The following GGA2 variants were observed in gnomAD, a reference collection of about 807,000 sequenced individuals.
GGA2 encodes the protein ADP-ribosylation factor-binding protein GGA2.
A neutral mutation model predicts 79.5 loss-of-function variants in GGA2; 48 were observed. The ratio of observed to expected loss-of-function variants is 0.60; its 90% CI spans 0.48 to 0.77. The LOEUF (loss-of-function observed/expected upper bound fraction) is 0.77. GGA2 is among the 30% of genes least tolerant of loss of function. GGA2 has a pLI of 0.00. For synonymous variants in GGA2, 317 were observed against 302.0 expected, an observed-to-expected ratio of 1.05 and a Z score of -0.51; for missense variants, 770 against 774.0, an observed-to-expected ratio of 0.99 and a Z score of 0.06.
chr16:23,508,691 C>T (rs1416092773), intron 1 of GGA2, among the ~76,000 whole-genome samples: 2 of 152,114 alleles, frequency 1.3e-5, no homozygotes, highest in Non-Finnish European at 2.9e-5. Flanking sequence ...TTAATATACG[C>T]AAGCTTCTCC....
chr16:23,499,145 C>CTTT (rs34195789), intron 1 of GGA2, among the ~76,000 whole-genome samples: 5 of 134,638 alleles, frequency 3.7e-5, no homozygotes, highest in African/African-American at 8.3e-5. Context: ...CGGGCACCAC[C>CTTT]TTTTTTTTTT....
At chr16:23,497,205 G>C (rs569195966) in intron 1 of GGA2, among the ~76,000 whole-genome samples, 1 of 152,164 alleles carries the variant, frequency 6.6e-6, no homozygotes, top group South Asian at 2.1e-4. Flanking sequence ...GGTTCTGACA[G>C]AGCAGCTCTT....
At chr16:23,511,051 T>TGTGTGTGTGTGTGTGTG (rs1965051492), upstream of GGA2, among the ~76,000 whole-genome samples, 1 of 76,170 alleles carries the variant, frequency 1.3e-5, no homozygotes. Context: ...GTGTGTGTGT[T>TGTGTGTGTGTGTGTGTG]AGAGACTGGG....
intron 6 of GGA2, among the ~76,000 whole-genome samples, chr16:23,487,124 G>A (rs1964725286): frequency 6.6e-6 from 1 of 151,910 alleles, no homozygotes; most frequent in East Asian, 1.9e-4. Context: ...TGGGACTATA[G>A]GCGCGTGCCA....
intron 2 of GGA2, among the ~76,000 whole-genome samples, chr16:23,516,546 T>A (rs186636325): frequency 6.6e-6 from 1 of 152,190 alleles, no homozygotes; most frequent in Non-Finnish European, 1.5e-5. Context: ...CTTGGCATAG[T>A]TGCCAGAGTG....
At position 23,475,153 on chromosome 16, in the gene GGA2, A is replaced by AAC. The variant is rs370349546; in HGVS notation, c.1293-94_1293-93dup. 6,450 of 665,686 alleles carry AAC rather than the reference A, an allele frequency of 9.7e-3. 42 individuals carry two copies. The highest frequency in any genetic ancestry group is 0.025 in the Middle Eastern group (63 of 2,536). The allele number at this position is 665,686 out of a possible 1,614,324, so 41.2% of individuals were successfully genotyped here. A position where few individuals can be genotyped will look rare whatever the true frequency, so the allele number is the denominator to read the frequency against. ...GCTTATTAAAGAACAAGGAAAAAATAACACACACACACACACAGAGTTAGA... is the reference window on the plus strand; with the variant it reads ...GCTTATTAAAGAACAAGGAAAAAATAACACACACACACACACACAGAGTTAGA... On this transcript the variant is annotated intron_variant, in intron 13 of 16. Transcript: ENST00000309859.
In GGA2 at chr16:23,465,900, C is replaced by G. The variant is rs1031273571; in HGVS notation, c.*1690G>C. The G allele has an allele frequency of 6.4e-6, 1 of 155,106 alleles. No individual in the cohort carries two copies. The highest frequency in any genetic ancestry group is 2.4e-5 in the African/African-American group (1 of 41,470). The allele number at this position is 155,106 out of a possible 1,614,324, so 9.6% of individuals were successfully genotyped here. On this transcript the variant is annotated 3_prime_UTR_variant, in exon 17 of 17. Coordinates refer to ENST00000309859, the MANE Select transcript of GGA2 (RefSeq NM_015044.4). ...AGATTGCAGTGAGCTGAGATTATAC[C>G]ACCGCACTCCAGCCTGAGTGACAGA...
Position 23,474,923 on chromosome 16 carries a change from A to C in GGA2, c.1431T>G (p.Pro477=), listed in dbSNP as rs11861512. The C allele has an allele frequency of 2.0e-3, 3,158 of 1,613,032 alleles. 57 individuals are homozygous for C. In the African/African-American group the frequency reaches 0.037, roughly 19 times the overall value. Residue 477 remains proline, a synonymous_variant, in exon 14 of 17, where the codon CCT becomes CCG. Transcript: ENST00000309859. The part of the protein sequence containing the change: ...QNTPLAQVFV[P]LESVKPSSLP... ...ACTTACTGGGCTTAACAGACTCCAA[A>C]GGGACAAACACTTGAGCCAGAGGTG...
At position 23,467,147 on chromosome 16, in the gene GGA2, A is replaced by G. The variant is rs919396108; in HGVS notation, c.*443T>C. 1 of 163,028 alleles carries G rather than the reference A, an allele frequency of 6.1e-6. No individual in the cohort carries two copies. Among genetic ancestry groups the G allele is most frequent in the African/African-American group, 2.4e-5 (1 of 41,708 alleles). 10.1% of individuals were successfully genotyped at this position (163,028 alleles called of 1,614,324 possible). A position where few individuals can be genotyped will look rare whatever the true frequency, so the allele number is the denominator to read the frequency against. ...AACCAGGTCCCTTTTAAGGTCCCTGAGAACAGCAGCCTGGGAGCAACCAAG... is the reference window on the plus strand; with the variant it reads ...AACCAGGTCCCTTTTAAGGTCCCTGGGAACAGCAGCCTGGGAGCAACCAAG... On this transcript the variant is annotated 3_prime_UTR_variant, in exon 17 of 17. Coordinates refer to ENST00000309859, the MANE Select transcript of GGA2 (RefSeq NM_015044.4).
chr16:23,514,097 A>G (rs1025509291), upstream of GGA2, among the ~76,000 whole-genome samples: 2 of 151,992 alleles, frequency 1.3e-5, no homozygotes, highest in Non-Finnish European at 2.9e-5. Context: ...CCATGTCAAC[A>G]TAAAACTTTT....
intron 1 of GGA2, among the ~76,000 whole-genome samples, chr16:23,499,940 T>C (rs1196023404): frequency 3.9e-5 from 6 of 152,100 alleles, no homozygotes; most frequent in Admixed American, 3.9e-4. Context: ...GAACAGGGCA[T>C]GTGGAGGGGA....
chr16:23,499,497 CA>C (rs1383603394), intron 1 of GGA2, among the ~76,000 whole-genome samples: 1 of 152,096 alleles, frequency 6.6e-6, no homozygotes, highest in Non-Finnish European at 1.5e-5. Context: ...AATTACGTTC[CA>C]AACCCTTAAC....
intron 2 of GGA2, among the ~76,000 whole-genome samples, chr16:23,516,187 T>C (rs541525629): frequency 2.0e-5 from 3 of 152,090 alleles, no homozygotes; most frequent in Non-Finnish European, 4.4e-5. Context: ...TTTTTTTCTA[T>C]TTTTTGTAAA....
intron 4 of GGA2, among the ~76,000 whole-genome samples, chr16:23,493,140 G>C (rs904148966): frequency 6.6e-5 from 10 of 152,220 alleles, no homozygotes; most frequent in African/African-American, 2.4e-4. Context: ...CGTTCCCCAG[G>C]CCTTCTTAAA....
In GGA2 at chr16:23,494,291, A is replaced by G. The variant is rs1327964720; in HGVS notation, c.252+12T>C. 4 of 1,573,772 alleles carry G rather than the reference A, an allele frequency of 2.5e-6. No individual in the cohort carries two copies. In the Admixed American group the frequency reaches 6.7e-5, roughly 26 times the overall value. ...ACAGGAAAGGTTAGGCTACAAGGCA[A>G]GCCAAACTCACCGTTAAGGCATAAA... is the stretch of plus-strand genomic sequence containing the variant. On this transcript the variant is annotated intron_variant, in intron 3 of 16. Coordinates refer to ENST00000309859, the MANE Select transcript of GGA2 (RefSeq NM_015044.4).
chr16:23,510,553 G>GCCCC (rs36021060), upstream of GGA2: 386 of 381,914 alleles, frequency 1.0e-3, no homozygotes, highest in Middle Eastern at 4.1e-3. Context: ...CCCACCCCAG[G>GCCCC]CCCCCCCTCC....
At chr16:23,518,870 G>T (rs1049379841) in intron 2 of GGA2, among the ~76,000 whole-genome samples, 1 of 152,104 alleles carries the variant, frequency 6.6e-6, no homozygotes, top group Admixed American at 6.6e-5. Flanking sequence ...CAAAAAGACA[G>T]ACTTCCTGCC....
chr16:23,496,126 C>G (rs934991187), intron 1 of GGA2, among the ~76,000 whole-genome samples: 1 of 151,732 alleles, frequency 6.6e-6, no homozygotes, highest in Non-Finnish European at 1.5e-5. Flanking sequence ...CATGATGAAA[C>G]CCCATCTCTA....
chr16:23,487,731 A>G (rs1964733042), intron 6 of GGA2, among the ~76,000 whole-genome samples: 2 of 152,036 alleles, frequency 1.3e-5, no homozygotes, highest in Admixed American at 6.6e-5. Context: ...AAGCAGGAGG[A>G]AAGCGGAGAA....
Sources: allele counts gnomAD v4.1 joint callset (sites outside exome capture counted in the v4.1 genomes callset), GRCh38; gene constraint gnomAD v4.1.1; transcripts MANE v1.5; gene names NCBI Gene and HGNC (gene_info 2026-07-23, HGNC 2026-07-21).